DDX50: variants seen among roughly 807,000 people sequenced by gnomAD.
The protein encoded by DDX50 is ATP-dependent RNA helicase DDX50.
In DDX50, 56 loss-of-function variants were observed where a neutral mutation model predicts 94.8. That is an observed-to-expected ratio of 0.59 (90% CI 0.48 to 0.74). DDX50 has a LOEUF of 0.74. DDX50 is among the 30% of genes least tolerant of loss of function. The probability of loss-of-function intolerance (pLI) is 0.00; values close to 1 mark genes in which losing one functional copy is unlikely to be tolerated. For synonymous variants in DDX50, 264 were observed against 295.4 expected (o/e 0.89, Z 1.09); for missense variants, 713 against 881.2 (o/e 0.81, Z 2.42).
chr10:68,911,071 G>A lies in DDX50; in HGVS notation c.464G>A (p.Arg155Gln). 1.3e-6 allele frequency: 2 copies of A among 1,528,710 alleles called. No homozygotes were observed. The highest frequency in any genetic ancestry group is 1.8e-6 in the Non-Finnish European group (2 of 1,141,914). The allele number at this position is 1,528,710 out of a possible 1,614,324, so 94.7% of individuals were successfully genotyped here. The change falls in exon 4 of 15, where the codon CGA becomes CAA. Residue 155 changes from arginine to glutamine, a missense_variant. This residue lies in a region of DDX50 where 285 missense variants were observed against 278.9 expected (regional missense o/e 1.02). Coordinates refer to ENST00000373585, the MANE Select transcript of DDX50 (RefSeq NM_024045.2). The part of the protein sequence containing the change: ...SEETIKLLKG[R>Q]GVTYLFPIQV... ...TTAATTAAATCTCATTTTACAGGTC[G>A]AGGGGTAACATATCTCTTTCCTATT...
intron 3 of DDX50, 55 bp from the exon 4 acceptor site, chr10:68,911,012 TA>T: frequency 7.9e-7 from 1 of 1,259,010 alleles, no homozygotes; most frequent in Non-Finnish European, 1.1e-6. Context: ...CAAATGAATA[TA>T]TTTTTTCCTA....
intron 8 of DDX50, among the ~76,000 whole-genome samples, chr10:68,923,049 A>G (rs1258982009): frequency 6.8e-6 from 1 of 147,594 alleles, no homozygotes; most frequent in African/African-American, 2.5e-5. Flanking sequence ...TTGGCCTCCC[A>G]AAGTGCTGGA....
intron 13 of DDX50, among the ~76,000 whole-genome samples, chr10:68,941,645 A>T (rs537706378): frequency 2.0e-5 from 3 of 150,452 alleles, no homozygotes; most frequent in Non-Finnish European, 4.4e-5. Flanking sequence ...TATTATTATT[A>T]TTTTTATTTT....
intron 1 of DDX50, 32 bp from the exon 2 acceptor site, chr10:68,906,679 C>T (rs1449026408): frequency 3.1e-6 from 5 of 1,590,736 alleles, no homozygotes; most frequent in Non-Finnish European, 4.3e-6. Context: ...AACCTCTGAC[C>T]ATCTTGTCAT....
chr10:68,929,292 C>CCTTCCTTT (rs1554836333), intron 8 of DDX50, among the ~76,000 whole-genome samples: 2 of 122,544 alleles, frequency 1.6e-5, no homozygotes, highest in African/African-American at 3.1e-5. Flanking sequence ...TTCCTTCCTT[C>CCTTCCTTT]CTCTCTCTCT....
At position 68,901,581 on chromosome 10, in the gene DDX50, G is replaced by A. The variant is rs1841288567; in HGVS notation, c.87+110G>A. 4.2e-6 allele frequency: 5 copies of A among 1,190,236 alleles called. No individual in the cohort carries two copies. The South Asian group carries it at 8.2e-5, about 20-fold the overall frequency. The allele number at this position is 1,190,236 out of a possible 1,614,324, so 73.7% of individuals were successfully genotyped here. ...TCAGAACCGGGCCGGAGCATCCGAG[G>A]GCCTCCCTTCGCGCCGCCCTCGGCC... is the stretch of plus-strand genomic sequence containing the variant. On this transcript the variant is annotated intron_variant, in intron 1 of 14. Transcript: ENST00000373585.
At chr10:68,944,222 C>T (rs949991146) in intron 14 of DDX50, among the ~76,000 whole-genome samples, 5 of 152,010 alleles carry the variant, frequency 3.3e-5, no homozygotes, top group African/African-American at 1.2e-4. Flanking sequence ...ATACAGGGTC[C>T]ATAAAGCTCA....
chr10:68,917,751 C>T (rs113966012), intron 7 of DDX50, among the ~76,000 whole-genome samples: 10,568 of 151,894 alleles, frequency 0.07, 468 homozygotes, highest in Middle Eastern at 0.12. Flanking sequence ...TACAGGCATG[C>T]GCCACCATGT....
At chr10:68,913,804 C>G (rs1487273371) in intron 6 of DDX50, among the ~76,000 whole-genome samples, 1 of 152,122 alleles carries the variant, frequency 6.6e-6, no homozygotes, top group Non-Finnish European at 1.5e-5. Context: ...GTTAGATTTA[C>G]TAACTCATTT....
intron 8 of DDX50, among the ~76,000 whole-genome samples, chr10:68,924,084 A>G (rs1000712071): frequency 8.0e-5 from 12 of 150,616 alleles, no homozygotes; most frequent in African/African-American, 2.9e-4. Context: ...ACAGTACTAC[A>G]GTAGCTGGGA....
At chr10:68,916,126 C>T (rs552506862) in intron 7 of DDX50, among the ~76,000 whole-genome samples, 3 of 152,148 alleles carry the variant, frequency 2.0e-5, no homozygotes, top group East Asian at 1.9e-4. Context: ...GAGGCCGAGG[C>T]GGGTGAATCA....
intron 1 of DDX50, among the ~76,000 whole-genome samples, chr10:68,903,143 G>A (rs1241314117): frequency 6.6e-6 from 1 of 152,208 alleles, no homozygotes; most frequent in Non-Finnish European, 1.5e-5. Flanking sequence ...AGTGGCTCAT[G>A]CCTGTAATCC....
intron 10 of DDX50, 87 bp downstream of exon 10, chr10:68,935,005 C>A: frequency 6.9e-7 from 1 of 1,452,128 alleles, no homozygotes; most frequent in Non-Finnish European, 9.1e-7. Flanking sequence ...ACAAGTAGGT[C>A]TTCATAACTT....
At chr10:68,913,043 T>C (rs1160489732) in intron 4 of DDX50, 119 bp from the exon 5 acceptor site, 3 of 745,218 alleles carry the variant, frequency 4.0e-6, no homozygotes, top group Non-Finnish European at 4.4e-6. Flanking sequence ...TGTCTTTAAA[T>C]ACTTCGACAT....
intron 7 of DDX50, among the ~76,000 whole-genome samples, chr10:68,915,884 A>G (rs1841773954): frequency 6.6e-6 from 1 of 152,240 alleles, no homozygotes; most frequent in South Asian, 2.1e-4. Flanking sequence ...CAGTGGTTAA[A>G]AACAATCAGT....
At chr10:68,942,643 T>A (rs1283270895) in intron 13 of DDX50, among the ~76,000 whole-genome samples, 5 of 151,890 alleles carry the variant, frequency 3.3e-5, no homozygotes, top group Non-Finnish European at 4.4e-5. Context: ...AGACAGGGTC[T>A]CACCCTGTCA....
At chr10:68,945,289 C>T (rs924970664) in intron 14 of DDX50, among the ~76,000 whole-genome samples, 7 of 148,586 alleles carry the variant, frequency 4.7e-5, no homozygotes, top group Non-Finnish European at 7.5e-5. Flanking sequence ...GCCTTAGCAA[C>T]AGGGTGTCTT....
chr10:68,928,725 A>G (rs1027520850), intron 8 of DDX50, among the ~76,000 whole-genome samples: 2 of 152,164 alleles, frequency 1.3e-5, no homozygotes, highest in East Asian at 3.8e-4. Flanking sequence ...AGCCACAGAC[A>G]CACCAACCTT....
intron 7 of DDX50, among the ~76,000 whole-genome samples, chr10:68,919,039 G>T (rs770287405): frequency 2.0e-5 from 3 of 152,072 alleles, no homozygotes; most frequent in Non-Finnish European, 4.4e-5. Context: ...TGCTGTTTAG[G>T]TTTGTAGCCT....
Sources: allele counts gnomAD v4.1 joint callset (sites outside exome capture counted in the v4.1 genomes callset), GRCh38; gene constraint gnomAD v4.1.1; regional missense constraint gnomAD v4.1.1; transcripts MANE v1.5; gene names NCBI Gene and HGNC (gene_info 2026-07-23, HGNC 2026-07-21).